Variants in FBXL17 observed in about 807,000 individuals in gnomAD.
FBXL17 encodes the protein F-box/LRR-repeat protein 17.
FBXL17 carries 22 observed loss-of-function variants against 66.2 expected under a neutral mutation model. That is an observed-to-expected ratio of 0.33 (90% CI 0.24 to 0.47). FBXL17 has a LOEUF of 0.47. Ranked by LOEUF, FBXL17 falls within the 20% of genes least tolerant of loss-of-function variation. FBXL17 has a pLI of 1.00. For missense variants in FBXL17, 878 were observed against 948.2 expected, an observed-to-expected ratio of 0.93 and a Z score of 0.97; for synonymous variants, 474 against 400.5, an observed-to-expected ratio of 1.18 and a Z score of -2.19.
At chr5:108,218,673 TG>T (rs1754715795) in intron 5 of FBXL17, among the ~76,000 whole-genome samples, 1 of 146,616 alleles carries the variant, frequency 6.8e-6, no homozygotes, top group African/African-American at 2.4e-5. Flanking sequence ...ATTTCTCTGA[TG>T]ATTAGTGACA....
At chr5:108,170,661 G>A (rs1288882589) in intron 6 of FBXL17, among the ~76,000 whole-genome samples, 2 of 152,068 alleles carry the variant, frequency 1.3e-5, no homozygotes, top group African/African-American at 4.8e-5. Context: ...AGCTTCCCAA[G>A]TAGCTGGGAC....
chr5:108,033,462 G>C (rs1746718898), intron 6 of FBXL17, among the ~76,000 whole-genome samples: 1 of 152,034 alleles, frequency 6.6e-6, no homozygotes, highest in East Asian at 1.9e-4. Flanking sequence ...AAGATCTAGA[G>C]TATTCCTAAC....
intron 3 of FBXL17, among the ~76,000 whole-genome samples, chr5:108,362,104 T>C (rs924010753): frequency 1.3e-5 from 2 of 152,202 alleles, no homozygotes; most frequent in South Asian, 2.1e-4. Flanking sequence ...CAATGTTTTT[T>C]TGGAGAGGCA....
At chr5:107,955,298 A>C (rs1359627956) in intron 7 of FBXL17, among the ~76,000 whole-genome samples, 2 of 151,438 alleles carry the variant, frequency 1.3e-5, no homozygotes, top group Non-Finnish European at 2.9e-5. Flanking sequence ...TAGTCTTAAC[A>C]AAAAAAAATT....
intron 4 of FBXL17, among the ~76,000 whole-genome samples, chr5:108,239,627 A>G (rs1017093068): frequency 6.6e-6 from 1 of 152,170 alleles, no homozygotes; most frequent in Non-Finnish European, 1.5e-5. Flanking sequence ...AAGGCAGTCT[A>G]TGCCACAAAG....
chr5:108,198,189 A>T (rs1753755062), intron 5 of FBXL17, among the ~76,000 whole-genome samples: 1 of 152,126 alleles, frequency 6.6e-6, no homozygotes, highest in South Asian at 2.1e-4. Flanking sequence ...AGAACACTCT[A>T]AGTCACCTAG....
At chr5:108,312,106 T>A (rs1759147903) in intron 4 of FBXL17, among the ~76,000 whole-genome samples, 1 of 152,026 alleles carries the variant, frequency 6.6e-6, no homozygotes, top group African/African-American at 2.4e-5. Flanking sequence ...AAAACATTCT[T>A]ATAAAAGGTG....
intron 6 of FBXL17, among the ~76,000 whole-genome samples, chr5:108,150,241 T>C (rs1205006562): frequency 6.6e-6 from 1 of 152,206 alleles, no homozygotes; most frequent in East Asian, 1.9e-4. Flanking sequence ...ATCTTTTTTT[T>C]TCTCAGATAC....
intron 6 of FBXL17, among the ~76,000 whole-genome samples, chr5:108,127,296 T>C (rs1750759950): frequency 6.6e-6 from 1 of 152,208 alleles, no homozygotes; most frequent in South Asian, 2.1e-4. Context: ...ATTCTGATAC[T>C]CAAGAACTAC....
intron 6 of FBXL17, among the ~76,000 whole-genome samples, chr5:108,041,351 A>G (rs1747037993): frequency 6.6e-6 from 1 of 152,166 alleles, no homozygotes. Flanking sequence ...TCAAGCCAAA[A>G]TCATGCTAAG....
At chr5:108,316,688 T>G (rs1178161963) in intron 4 of FBXL17, among the ~76,000 whole-genome samples, 4 of 151,348 alleles carry the variant, frequency 2.6e-5, no homozygotes, top group Non-Finnish European at 5.9e-5. Flanking sequence ...TATGAAATAG[T>G]CATTTTTAAA....
intron 5 of FBXL17, among the ~76,000 whole-genome samples, chr5:108,216,954 C>T (rs1378105134): frequency 6.6e-6 from 1 of 152,160 alleles, no homozygotes; most frequent in Non-Finnish European, 1.5e-5. Flanking sequence ...TCAGTGGGAT[C>T]CCAGAAAAAG....
chr5:108,148,047 A>T (rs1228598720), intron 6 of FBXL17, among the ~76,000 whole-genome samples: 1 of 152,200 alleles, frequency 6.6e-6, no homozygotes, highest in Non-Finnish European at 1.5e-5. Context: ...ACAATGGAGA[A>T]GGAAGGAAAA....
intron 6 of FBXL17, among the ~76,000 whole-genome samples, chr5:108,099,182 T>A (rs921522350): frequency 1.3e-5 from 2 of 152,124 alleles, no homozygotes; most frequent in African/African-American, 2.4e-5. Flanking sequence ...TACATTTTTT[T>A]TAAAAACCTG....
At chr5:108,174,339 T>C (rs917028466) in intron 6 of FBXL17, among the ~76,000 whole-genome samples, 9 of 152,322 alleles carry the variant, frequency 5.9e-5, no homozygotes, top group African/African-American at 2.2e-4. Context: ...TAAAAAATAG[T>C]GACTATTCTA....
intron 4 of FBXL17, among the ~76,000 whole-genome samples, chr5:108,296,571 A>C (rs1758358253): frequency 6.6e-6 from 1 of 151,828 alleles, no homozygotes; most frequent in South Asian, 2.1e-4. Flanking sequence ...TATGAGGGTT[A>C]AGACTTTGAT....
In FBXL17 at chr5:108,381,217, G is replaced by A; in HGVS notation, c.475C>T (p.Leu159Phe). The A allele has an allele frequency of 1.4e-6, 2 of 1,449,374 alleles. No individual in the cohort carries two copies. Among genetic ancestry groups the A allele is most frequent in the East Asian group, 3.0e-5 (1 of 32,948 alleles). 89.8% of individuals were successfully genotyped at this position (1,449,374 alleles called of 1,614,324 possible). The change falls in exon 1 of 9, where the codon CTC becomes TTC. Residue 159 changes from leucine to phenylalanine, a missense_variant. Leu to Phe is a conservative substitution (Grantham distance 22). Coordinates refer to ENST00000542267, the MANE Select transcript of FBXL17 (RefSeq NM_001163315.3). Reference protein sequence around the residue: ...AAAWEQQGRSLFLASLGPVRF... With the variant: ...AAAWEQQGRSFFLASLGPVRF... ...ACCGGCCCCAAGCTGGCCAGGAAGA[G>A]ACTTCGGCCCTGCTGCTCCCAGGCG...
intron 6 of FBXL17, among the ~76,000 whole-genome samples, chr5:108,085,625 C>T (rs1748939370): frequency 6.6e-6 from 1 of 152,156 alleles, no homozygotes; most frequent in Admixed American, 6.5e-5. Context: ...CCTTGGCATA[C>T]TGAATACTTT....
intron 4 of FBXL17, among the ~76,000 whole-genome samples, chr5:108,294,558 C>T (rs1561512048): frequency 6.6e-6 from 1 of 151,886 alleles, no homozygotes; most frequent in Non-Finnish European, 1.5e-5. Context: ...GGCTTTTAAA[C>T]TTCATCTTAC....
Sources: gnomAD v4.1 joint callset for allele counts (sites outside exome capture counted in the v4.1 genomes callset) on GRCh38, gnomAD v4.1.1 for gene constraint, MANE v1.5 for transcripts, NCBI Gene and HGNC (gene_info 2026-07-23, HGNC 2026-07-21) for gene names.